SGK1: variants seen among roughly 807,000 people sequenced by gnomAD.
SGK1 encodes the protein serum/glucocorticoid regulated kinase 1, also known as serine/threonine-protein kinase Sgk1.
SGK1 carries 26 observed loss-of-function variants against 64.2 expected under a neutral mutation model. The observed-to-expected ratio is 0.40, with a 90% CI of 0.30 to 0.56. SGK1 has a LOEUF of 0.56. Ranked by LOEUF, SGK1 falls within the 20% of genes least tolerant of loss-of-function variation. The pLI is 0.38. For missense variants in SGK1, 519 were observed against 645.6 expected (o/e 0.80, Z 2.12); for synonymous variants, 265 against 239.7 (o/e 1.11, Z -0.98).
intron 1 of SGK1, among the ~76,000 whole-genome samples, chr6:134,302,193 C>G (rs916752811): frequency 1.3e-5 from 2 of 152,148 alleles, no homozygotes; most frequent in Admixed American, 6.5e-5. Flanking sequence ...TAGGTCAAAA[C>G]TCATCAATAA....
chr6:134,173,570 GA>G lies in SGK1; in HGVS notation c.514-5del, dbSNP rs113667538. 0.1 allele frequency: 108,227 copies of G among 1,081,822 alleles called. 1 individual carries two copies. The highest frequency in any genetic ancestry group is 0.13 in the South Asian group (7,595 of 57,788). The allele number at this position is 1,081,822 out of a possible 1,614,324, so 67.0% of individuals were successfully genotyped here. On this transcript the variant is annotated splice_region_variant and splice_polypyrimidine_tract_variant and intron_variant, in intron 5 of 13. Coordinates refer to ENST00000367858, the MANE Select transcript of SGK1 (RefSeq NM_001143676.3). ...TGATTTGCTGAGAAGGACTTGGCTA[GA>G]AAAAAAAAAAAAGAATTTCTTTTAA... is the stretch of plus-strand genomic sequence containing the variant.
intron 1 of SGK1, 62 bp downstream of exon 1, chr6:134,317,330 A>G (rs1276231223): frequency 4.7e-6 from 5 of 1,067,992 alleles, no homozygotes; most frequent in Non-Finnish European, 7.3e-6. Flanking sequence ...CTTCAGGCAA[A>G]CATTCAAAAG....
intron 2 of SGK1, among the ~76,000 whole-genome samples, chr6:134,236,439 C>A (rs1002511681): frequency 6.6e-6 from 1 of 152,030 alleles, no homozygotes; most frequent in Non-Finnish European, 1.5e-5. Flanking sequence ...CCAGCCTGGG[C>A]AAGATGGCGA....
rs773691115 is a variant in SGK1 at position 134,172,286 on chromosome 6, A to C, written c.978T>G (p.Asp326Glu). The change falls in exon 10 of 14, where the codon GAT (aspartate) becomes GAG (glutamate). Residue 326 changes from aspartate to glutamate, a missense_variant. Physicochemically the swap from Asp to Glu is conservative, Grantham distance 45. Around this residue, in one of 2 missense-constraint regions of SGK1, gnomAD observed 278 missense variants for 408.7 expected, o/e 0.68. Transcript: ENST00000367858. Reference sequence around the variant, plus strand: ...CAGTAAGGACAATGTGTCCCTGTGAATCTAGCAAAATATTCTCTGGTTTTA... The same window carrying C: ...CAGTAAGGACAATGTGTCCCTGTGACTCTAGCAAAATATTCTCTGGTTTTA... ...RDLKPENILL[D>E]SQGHIVLTDF... 1.5e-5 allele frequency: 24 copies of C among 1,613,270 alleles called. No individual in the cohort carries two copies. The highest frequency in any genetic ancestry group is 1.8e-5 in the Non-Finnish European group (21 of 1,179,690).
At chr6:134,235,334 C>T (rs1283576241) in intron 2 of SGK1, among the ~76,000 whole-genome samples, 1 of 151,948 alleles carries the variant, frequency 6.6e-6, no homozygotes, top group Admixed American at 6.6e-5. Flanking sequence ...GAATATCTTC[C>T]TGAATTCAGG....
At chr6:134,308,916 A>C (rs1298202087) in intron 1 of SGK1, among the ~76,000 whole-genome samples, 1 of 152,136 alleles carries the variant, frequency 6.6e-6, no homozygotes, top group Non-Finnish European at 1.5e-5. Context: ...CTTATCCTCC[A>C]GAGACAACAG....
intron 6 of SGK1, 23 bp from the exon 7 acceptor site, chr6:134,173,380 T>G: frequency 1.9e-6 from 3 of 1,601,828 alleles, no homozygotes; most frequent in Non-Finnish European, 2.6e-6. Flanking sequence ...TTTAAAAAAA[T>G]CATTTTTCTA....
At chr6:134,272,598 C>G (rs1009044007) in intron 1 of SGK1, among the ~76,000 whole-genome samples, 8 of 147,510 alleles carry the variant, frequency 5.4e-5, no homozygotes, top group Non-Finnish European at 4.5e-5. Context: ...CACCCACAAA[C>G]TCTTCCTTTT....
intron 1 of SGK1, among the ~76,000 whole-genome samples, chr6:134,295,969 T>G (rs1322482891): frequency 6.6e-6 from 1 of 152,230 alleles, no homozygotes; most frequent in Non-Finnish European, 1.5e-5. Context: ...AATGTAAGCA[T>G]GAGAACAAAG....
intron 1 of SGK1, among the ~76,000 whole-genome samples, chr6:134,299,135 TC>T (rs1162923593): frequency 6.6e-6 from 1 of 150,646 alleles, no homozygotes; most frequent in Non-Finnish European, 1.5e-5. Flanking sequence ...AAGAAAGCAA[TC>T]TGTGCAATTC....
At chr6:134,210,638 AC>A (rs1449988781) in intron 2 of SGK1, among the ~76,000 whole-genome samples, 1 of 151,686 alleles carries the variant, frequency 6.6e-6, no homozygotes, top group Non-Finnish European at 1.5e-5. Flanking sequence ...AGCCTGGCAA[AC>A]ATGGTGAAAC....
intron 3 of SGK1, among the ~76,000 whole-genome samples, chr6:134,194,881 C>A (rs9373085): frequency 0.27 from 40,744 of 151,898 alleles, 6,630 homozygotes; most frequent in East Asian, 0.57. Flanking sequence ...ACTTCTTGGG[C>A]AAAAAGCAAG....
intron 3 of SGK1, among the ~76,000 whole-genome samples, chr6:134,198,724 C>CTTTTTTTTT (rs1459010325): frequency 9.1e-5 from 6 of 65,940 alleles, no homozygotes; most frequent in Admixed American, 1.4e-4. Context: ...TTCTCTTTTT[C>CTTTTTTTTT]TATTTTTTTT....
intron 3 of SGK1, among the ~76,000 whole-genome samples, chr6:134,199,669 AAT>A (rs1034769012): frequency 1.3e-5 from 2 of 151,158 alleles, no homozygotes; most frequent in African/African-American, 4.8e-5. Context: ...TGTAGAAAAA[AAT>A]ATATATATAT....
chr6:134,253,987 T>C (rs902161925), intron 2 of SGK1, among the ~76,000 whole-genome samples: 2 of 152,036 alleles, frequency 1.3e-5, no homozygotes, highest in Non-Finnish European at 2.9e-5. Flanking sequence ...ATGTATCCCA[T>C]ATGAGAGGGC....
At chr6:134,196,389 G>A (rs978254381) in intron 3 of SGK1, among the ~76,000 whole-genome samples, 1 of 151,852 alleles carries the variant, frequency 6.6e-6, no homozygotes, top group Non-Finnish European at 1.5e-5. Flanking sequence ...GAGCCCAGGA[G>A]TTCAAGTCCA....
At chr6:134,173,606 T>C (rs1375307801) in intron 5 of SGK1, 40 bp from the exon 6 acceptor site, 1 of 1,370,646 alleles carries the variant, frequency 7.3e-7, no homozygotes, top group Admixed American at 2.1e-5. Context: ...ATACCATTGC[T>C]TCAAAGGAAG....
At chr6:134,206,822 G>A (rs908218775) in intron 3 of SGK1, among the ~76,000 whole-genome samples, 3 of 147,142 alleles carry the variant, frequency 2.0e-5, no homozygotes, top group Non-Finnish European at 3.0e-5. Context: ...AGCCGAGATC[G>A]TACCACCGCA....
In SGK1 at chr6:134,185,460, G is replaced by A. The variant is rs145492741; in HGVS notation, c.362-10874C>T. Reference sequence around the variant, plus strand: ...AAAGCCATAGCAGAATGGCCATCAGGTTGTCAGAAATGACAAAAGCCACAG... The same window carrying A: ...AAAGCCATAGCAGAATGGCCATCAGATTGTCAGAAATGACAAAAGCCACAG... On this transcript the variant is annotated intron_variant, in intron 3 of 13. Transcript: ENST00000367858. 2.0e-4 allele frequency among the ~76,000 whole-genome samples: 30 copies of A among 152,136 alleles called. No individual in the cohort carries two copies. In the East Asian group the frequency reaches 5.4e-3, roughly 27 times the overall value.
Sources: gnomAD v4.1 joint callset for allele counts (sites outside exome capture counted in the v4.1 genomes callset) on GRCh38, gnomAD v4.1.1 for gene constraint, gnomAD v4.1.1 regional missense constraint, MANE v1.5 for transcripts, NCBI Gene and HGNC (gene_info 2026-07-23, HGNC 2026-07-21) for gene names.